Variants in DIXDC1 observed in about 807,000 individuals in gnomAD.
The protein encoded by DIXDC1 is dixin.
A neutral mutation model predicts 103.1 loss-of-function variants in DIXDC1; 64 were observed. The observed-to-expected ratio is 0.62, with a 90% confidence interval of 0.51 to 0.76. DIXDC1 has a LOEUF of 0.76. DIXDC1 is among the 30% of genes least tolerant of loss of function. The pLI is 0.00. For synonymous variants in DIXDC1, 266 were observed against 298.5 expected, an observed-to-expected ratio of 0.89 and a Z score of 1.12; for missense variants, 759 against 834.2, an observed-to-expected ratio of 0.91 and a Z score of 1.11.
intron 2 of DIXDC1, among the ~76,000 whole-genome samples, chr11:111,930,845 T>C (rs375561461): frequency 9.9e-5 from 14 of 141,780 alleles, no homozygotes; most frequent in African/African-American, 3.9e-4. Context: ...TCTTTCTTTC[T>C]TTCCTTTTTT....
At chr11:111,967,237 T>C (rs1435862343) in intron 2 of DIXDC1, among the ~76,000 whole-genome samples, 5 of 152,230 alleles carry the variant, frequency 3.3e-5, no homozygotes, top group Admixed American at 3.3e-4. Flanking sequence ...ATGTCTAATA[T>C]GCAACTCAAA....
At position 111,977,244 on chromosome 11, in the gene DIXDC1, C is replaced by T. The variant is rs587635909; in HGVS notation, c.656+2261C>T. The T allele has an allele frequency of 2.3e-4, 229 of 999,482 alleles. 1 individual carries two copies. In the African/African-American group the frequency reaches 3.7e-3, roughly 16 times the overall value. The allele number at this position is 999,482 out of a possible 1,614,324, so 61.9% of individuals were successfully genotyped here. On this transcript the variant is annotated intron_variant, in intron 5 of 19. Coordinates refer to ENST00000440460, the MANE Select transcript of DIXDC1 (RefSeq NM_001037954.4). This position sits in a 1 kb window ranked among gnomAD's most constrained non-coding sequence, Gnocchi z 6.1. ...GTTGGCCAGCGGAGCTGGCTTGGGT[C>T]GGAGCCCGGCTGCCTCGCCGCGTGT...
intron 17 of DIXDC1, chr11:112,016,213 GA>G (rs1861585209): frequency 6.5e-6 from 1 of 152,782 alleles, no homozygotes; most frequent in Non-Finnish European, 1.5e-5. Context: ...GTACCTTTTA[GA>G]CTGGGAGCAT....
At chr11:111,975,447 A>G (rs1306849383) in intron 5 of DIXDC1, 11 of 1,008,634 alleles carry the variant, frequency 1.1e-5, no homozygotes, top group Non-Finnish European at 1.3e-5. Context: ...ACTTTCCTCT[A>G]CAGGAACTGT....
chr11:111,962,953 C>T (rs1363985136), intron 1 of DIXDC1, among the ~76,000 whole-genome samples: 2 of 152,112 alleles, frequency 1.3e-5, no homozygotes, highest in East Asian at 1.9e-4. Context: ...GTCTGGCCCA[C>T]GTGAGGCAGA....
chr11:111,984,078 A>G (rs1180857808), intron 7 of DIXDC1, among the ~76,000 whole-genome samples: 1 of 152,210 alleles, frequency 6.6e-6, no homozygotes, highest in Non-Finnish European at 1.5e-5. Flanking sequence ...AGCAAAATTC[A>G]TTTGACTTAC....
chr11:111,986,950 C>A (rs782599395), intron 9 of DIXDC1, 26 bp downstream of exon 9: 1 of 1,555,356 alleles, frequency 6.4e-7, no homozygotes, highest in Non-Finnish European at 8.7e-7. Flanking sequence ...TACATTTTAC[C>A]CCTTAAAAAC....
rs1215769321 is a variant in DIXDC1, at chr11:112,017,977, A to T, written c.1971+92A>T. On this transcript the variant is annotated intron_variant, in intron 19 of 19. Coordinates refer to ENST00000440460, the MANE Select transcript of DIXDC1 (RefSeq NM_001037954.4). The surrounding 1 kb of genome is among the most constrained non-coding windows in gnomAD (Gnocchi z 4.0). ...AAGCACTAGTGTCCAGAAGTACATGAGTTCCCTGACTAGGTCAGAAGAATT... is the reference window on the plus strand; with the variant it reads ...AAGCACTAGTGTCCAGAAGTACATGTGTTCCCTGACTAGGTCAGAAGAATT... The T allele has an allele frequency of 6.7e-5, 67 of 1,000,756 alleles. No homozygotes were observed. Among genetic ancestry groups the T allele is most frequent in the Non-Finnish European group, 9.2e-5 (62 of 672,310 alleles). 62.0% of individuals were successfully genotyped at this position (1,000,756 alleles called of 1,614,324 possible).
intron 1 of DIXDC1, among the ~76,000 whole-genome samples, chr11:111,948,458 A>G (rs1966672628): frequency 1.3e-5 from 2 of 152,078 alleles, no homozygotes; most frequent in Admixed American, 1.3e-4. Context: ...CCTGGTGGTC[A>G]CTGCCTCTCC....
intron 2 of DIXDC1, among the ~76,000 whole-genome samples, chr11:111,967,952 G>A (rs966811905): frequency 1.3e-5 from 2 of 152,320 alleles, no homozygotes; most frequent in South Asian, 4.1e-4. Context: ...TCAGGTAAGC[G>A]GAGCTTGGGG....
intron 17 of DIXDC1, among the ~76,000 whole-genome samples, chr11:111,996,588 C>T (rs778560421): frequency 2.6e-5 from 4 of 152,192 alleles, no homozygotes; most frequent in Admixed American, 6.5e-5. Flanking sequence ...CGGTGGCTCA[C>T]GCCTGTAATC....
chr11:111,937,143 GT>G, upstream of DIXDC1: 1 of 753,120 alleles, frequency 1.3e-6, no homozygotes, highest in Non-Finnish European at 1.6e-6. Flanking sequence ...GGGGGGGGGT[GT>G]GCGCGTGCGT....
chr11:111,930,674 C>G (rs782587910), intron 2 of DIXDC1, among the ~76,000 whole-genome samples: 7 of 152,132 alleles, frequency 4.6e-5, no homozygotes, highest in Admixed American at 3.3e-4. Flanking sequence ...CCCTGCCCCC[C>G]ACATTGTAAA....
intron 14 of DIXDC1, among the ~76,000 whole-genome samples, 162 bp from the exon 15 acceptor site, chr11:111,994,857 A>G (rs587657632): frequency 1.3e-5 from 2 of 152,330 alleles, no homozygotes; most frequent in South Asian, 4.1e-4. Flanking sequence ...AAAGGGGAAA[A>G]AAAATCTATA....
At chr11:111,982,610 T>C (rs1592594094) in intron 7 of DIXDC1, 123 bp downstream of exon 7, 3 of 1,057,004 alleles carry the variant, frequency 2.8e-6, no homozygotes, top group South Asian at 3.4e-5. Flanking sequence ...AGTTTAGATA[T>C]AGGGAATAGC....
intron 19 of DIXDC1, 93 bp from the exon 20 acceptor site, chr11:112,018,863 C>T (rs2137652819): frequency 4.7e-6 from 5 of 1,071,020 alleles, no homozygotes; most frequent in Middle Eastern, 3.0e-4. Context: ...AGGCTTTCTT[C>T]TACATGGTTG....
At chr11:111,999,029 TG>T (rs1280575299) in intron 17 of DIXDC1, among the ~76,000 whole-genome samples, 1 of 152,234 alleles carries the variant, frequency 6.6e-6, no homozygotes, top group Non-Finnish European at 1.5e-5. Flanking sequence ...TTAATGTCAC[TG>T]AATCTTAGTT....
At chr11:111,927,914 A>T (rs989598081) in intron 1 of DIXDC1, among the ~76,000 whole-genome samples, 1 of 149,722 alleles carries the variant, frequency 6.7e-6, no homozygotes, top group Non-Finnish European at 1.5e-5. Context: ...TACTCAGGAG[A>T]CTGAGGCAGG....
rs1859458468 is a variant in DIXDC1, at chr11:111,958,337, C to T, written c.61-6212C>T. 2.6e-5 allele frequency among the ~76,000 whole-genome samples: 4 copies of T among 152,188 alleles called. No individual in the cohort carries two copies. Among genetic ancestry groups the T allele is most frequent in the Admixed American group, 2.6e-4 (4 of 15,290 alleles). On this transcript the variant is annotated intron_variant, in intron 1 of 19. Transcript: ENST00000440460. The surrounding 1 kb of genome is among the most constrained non-coding windows in gnomAD (Gnocchi z 4.2). The stretch of plus-strand genomic sequence containing the variant: ...CCCAAGCCACAGCTGTGGACCCAGG[C>T]ATCGCTGCACTCTCAGGGGCTAGGC...
Sources: gnomAD v4.1 joint callset for allele counts (sites outside exome capture counted in the v4.1 genomes callset) on GRCh38, gnomAD v4.1.1 for gene constraint, Gnocchi (gnomAD v3.1) non-coding constraint, MANE v1.5 for transcripts, NCBI Gene and HGNC (gene_info 2026-07-23, HGNC 2026-07-21) for gene names.